The following PTPRO variants were observed in gnomAD, a reference collection of about 807,000 sequenced individuals.
The protein encoded by PTPRO is protein tyrosine phosphatase receptor type O.
In PTPRO, 62 loss-of-function variants were observed where a neutral mutation model predicts 145.2. That is an observed-to-expected ratio of 0.43 (90% confidence interval 0.35 to 0.53). PTPRO has a LOEUF of 0.53. PTPRO is among the 20% of genes least tolerant of loss of function. The pLI is 0.01. For synonymous variants in PTPRO, 565 were observed against 514.7 expected, an observed-to-expected ratio of 1.10 and a Z score of -1.32; for missense variants, 1,345 against 1,482.7, an observed-to-expected ratio of 0.91 and a Z score of 1.53.
intron 14 of PTPRO, among the ~76,000 whole-genome samples, chr12:15,550,447 T>C (rs745581854): frequency 2.0e-4 from 31 of 152,266 alleles, no homozygotes; most frequent in Non-Finnish European, 3.7e-4. Flanking sequence ...ACCTGCACAG[T>C]TCAAACTCAT....
At chr12:15,431,154 A>T (rs1317733746) in intron 1 of PTPRO, among the ~76,000 whole-genome samples, 2 of 152,226 alleles carry the variant, frequency 1.3e-5, no homozygotes, top group Non-Finnish European at 2.9e-5. Flanking sequence ...CAACCAAAAA[A>T]GTGGATATTT....
intron 1 of PTPRO, among the ~76,000 whole-genome samples, chr12:15,396,537 ATAT>A (rs1212448153): frequency 1.3e-5 from 2 of 152,178 alleles, no homozygotes; most frequent in East Asian, 3.8e-4. Context: ...TGAATCCAAA[ATAT>A]TATTCTTAAA....
chr12:15,357,228 G>A lies in PTPRO; in HGVS notation c.75+34427G>A, dbSNP rs1938024097. On this transcript the variant is annotated intron_variant, in intron 1 of 26. Transcript: ENST00000281171. ...CCATCTCTAATTACTGCATGCCAAA[G>A]TATTCTGACTGCTACTGTCATTTCC... Among the ~76,000 whole-genome samples, 4 of 152,194 alleles carry A rather than the reference G, an allele frequency of 2.6e-5. No homozygotes were observed. In the South Asian group the frequency reaches 8.3e-4, roughly 32 times the overall value.
chr12:15,409,195 CA>C (rs1277665491), intron 1 of PTPRO, among the ~76,000 whole-genome samples: 17 of 152,088 alleles, frequency 1.1e-4, no homozygotes, highest in African/African-American at 3.9e-4. Context: ...TATGCTGCGT[CA>C]AAACAGTGTA....
chr12:15,462,731 CAT>C (rs2136399761), intron 1 of PTPRO, among the ~76,000 whole-genome samples: 1 of 152,222 alleles, frequency 6.6e-6, no homozygotes, highest in South Asian at 2.1e-4. Flanking sequence ...TCACTCAAGA[CAT>C]GTAGAGAAAT....
At chr12:15,564,582 C>T (rs563035925) in intron 17 of PTPRO, among the ~76,000 whole-genome samples, 4 of 152,294 alleles carry the variant, frequency 2.6e-5, no homozygotes, top group South Asian at 4.1e-4. Context: ...AGTACTGCTT[C>T]GTCCTGCTAA....
intron 7 of PTPRO, among the ~76,000 whole-genome samples, chr12:15,509,696 GA>G (rs66556618): frequency 1.1e-3 from 157 of 140,412 alleles, no homozygotes; most frequent in South Asian, 8.5e-3. Context: ...CAAAAAAAAA[GA>G]AAAAAAAAAA....
At chr12:15,428,670 A>G (rs1287283480) in intron 1 of PTPRO, among the ~76,000 whole-genome samples, 3 of 152,170 alleles carry the variant, frequency 2.0e-5, no homozygotes, top group Non-Finnish European at 4.4e-5. Context: ...TACTGTTTCA[A>G]ATAAGATAGA....
At chr12:15,434,616 A>G (rs1433114135) in intron 1 of PTPRO, among the ~76,000 whole-genome samples, 2 of 152,196 alleles carry the variant, frequency 1.3e-5, no homozygotes, top group Non-Finnish European at 2.9e-5. Flanking sequence ...ATTATGTTAA[A>G]TAAAACACAG....
intron 1 of PTPRO, chr12:15,440,182 T>A (rs181318072): frequency 2.9e-6 from 2 of 690,458 alleles, no homozygotes; most frequent in Non-Finnish European, 5.2e-6. Flanking sequence ...CTGGTATCAA[T>A]GACTGCTACA....
At chr12:15,529,718 A>C (rs1036807286) in intron 12 of PTPRO, among the ~76,000 whole-genome samples, 2 of 152,224 alleles carry the variant, frequency 1.3e-5, no homozygotes, top group Non-Finnish European at 2.9e-5. Flanking sequence ...TGTGGTAACC[A>C]CAGCACAAAA....
chr12:15,391,606 C>T lies in PTPRO; in HGVS notation c.75+68805C>T, dbSNP rs114964381. Among the ~76,000 whole-genome samples, 1,184 of 152,302 alleles carry T rather than the reference C, an allele frequency of 7.8e-3. 11 individuals are homozygous for T. Among genetic ancestry groups the T allele is most frequent in the African/African-American group, 0.026 (1,081 of 41,558 alleles). The stretch of plus-strand genomic sequence containing the variant: ...TTGCATCTCACCAATCCTAGCACTT[C>T]GTAGAAATTAGGGTCAGTCCCTCTC... On this transcript the variant is annotated intron_variant, in intron 1 of 26. Coordinates refer to ENST00000281171, the MANE Select transcript of PTPRO (RefSeq NM_030667.3).
At chr12:15,326,107 C>T (rs754241412) in intron 1 of PTPRO, among the ~76,000 whole-genome samples, 5 of 152,166 alleles carry the variant, frequency 3.3e-5, no homozygotes, top group Admixed American at 1.3e-4. Flanking sequence ...CCTTTCCTTT[C>T]CTATGTCTCC....
intron 1 of PTPRO, among the ~76,000 whole-genome samples, chr12:15,335,684 TTTG>T (rs1276247921): frequency 1.3e-5 from 2 of 152,102 alleles, no homozygotes; most frequent in Admixed American, 6.6e-5. Context: ...TTTATGAGGT[TTTG>T]TTATTTTTTT....
At chr12:15,510,961 G>T (rs891050877) in intron 7 of PTPRO, among the ~76,000 whole-genome samples, 2 of 129,692 alleles carry the variant, frequency 1.5e-5, no homozygotes, top group Non-Finnish European at 3.1e-5. Flanking sequence ...GAGCTCAGAA[G>T]TTCGAGACCA....
At chr12:15,392,720 C>CA (rs1177789187) in intron 1 of PTPRO, among the ~76,000 whole-genome samples, 6,276 of 66,286 alleles carry the variant, frequency 0.095, 401 homozygotes, top group African/African-American at 0.22. Context: ...GACCCTGTCT[C>CA]AAAAAAAAAA....
intron 9 of PTPRO, among the ~76,000 whole-genome samples, chr12:15,517,246 A>T (rs12426598): frequency 2.0e-5 from 3 of 151,558 alleles, no homozygotes; most frequent in East Asian, 1.9e-4. Flanking sequence ...AAGCAAAGAG[A>T]GCTTGTGTAG....
intron 1 of PTPRO, among the ~76,000 whole-genome samples, chr12:15,458,606 G>C (rs1941233515): frequency 6.7e-6 from 1 of 150,230 alleles, no homozygotes; most frequent in Non-Finnish European, 1.5e-5. Flanking sequence ...CCTTTCTTCT[G>C]CTTGATCTAG....
At chr12:15,355,423 T>G (rs1263352033) in intron 1 of PTPRO, among the ~76,000 whole-genome samples, 1 of 152,168 alleles carries the variant, frequency 6.6e-6, no homozygotes, top group Non-Finnish European at 1.5e-5. Context: ...CTCTCTACAC[T>G]GAAAAACCCA....
Sources: gnomAD v4.1 joint callset for allele counts (sites outside exome capture counted in the v4.1 genomes callset) on GRCh38, gnomAD v4.1.1 for gene constraint, MANE v1.5 for transcripts, NCBI Gene and HGNC (gene_info 2026-07-23, HGNC 2026-07-21) for gene names.